Variants in FBN1 observed in about 807,000 individuals in gnomAD.
FBN1 encodes fibrillin 1, also known as fibrillin-1.
A neutral mutation model predicts 365.1 loss-of-function variants in FBN1; 29 were observed. The observed-to-expected ratio is 0.08, with a 90% CI of 0.06 to 0.11. FBN1 has a LOEUF of 0.11. FBN1 is among the 10% of genes least tolerant of loss of function. FBN1 has a pLI of 1.00. For missense variants in FBN1, 2,476 were observed against 3,703.2 expected (o/e 0.67, Z 8.60); for synonymous variants, 1,210 against 1,270.5 (o/e 0.95, Z 1.01).
In FBN1 at chr15:48,421,654, A is replaced by G. The variant is rs1555394212; in HGVS notation, c.7603T>C (p.Cys2535Arg). 6.2e-7 allele frequency: 1 copy of G among 1,613,864 alleles called. No homozygotes were observed. Among genetic ancestry groups the G allele is most frequent in the Non-Finnish European group, 8.5e-7 (1 of 1,179,940 alleles). Residue 2535 changes from cysteine (C) to arginine (R), a missense_variant, in exon 62 of 66, where the codon TGC (cysteine) becomes CGC (arginine). This residue lies in a region of FBN1 where 1,780 missense variants were observed against 2,840.8 expected (regional missense o/e 0.63). Transcript: ENST00000316623. ...NNECTSDINL[C>R]GSKGICQNTP... ...TTCTGGCAAATGCCCTTAGACCCGC[A>G]CAGATTGATGTCAGAGGTGCATTCA...
At chr15:48,470,512 TA>T (rs1444539605) in intron 36 of FBN1, 121 bp downstream of exon 36, 1 of 1,344,434 alleles carries the variant, frequency 7.4e-7, no homozygotes, top group Non-Finnish European at 1.1e-6. Flanking sequence ...CTGTGATTCT[TA>T]ATACTTCCCC....
At chr15:48,474,439 C>G in intron 33 of FBN1, 62 bp from the exon 34 acceptor site, 3 of 1,611,560 alleles carry the variant, frequency 1.9e-6, no homozygotes, top group South Asian at 2.2e-5. Context: ...CAATAATACA[C>G]AAATTAAAAT....
intron 14 of FBN1, among the ~76,000 whole-genome samples, chr15:48,509,549 A>G (rs1483566581): frequency 6.7e-6 from 1 of 148,244 alleles, no homozygotes; most frequent in Non-Finnish European, 1.5e-5. Context: ...TTACATATTC[A>G]GAAATACATA....
chr15:48,467,775 G>GA (rs1566904453), intron 38 of FBN1, among the ~76,000 whole-genome samples, 163 bp downstream of exon 38: 27 of 151,626 alleles, frequency 1.8e-4, no homozygotes, highest in Non-Finnish European at 1.3e-4. Flanking sequence ...GAGCCAACCA[G>GA]GAATATTTTC....
At chr15:48,556,218 C>G (rs1035225818) in intron 6 of FBN1, among the ~76,000 whole-genome samples, 32 of 152,302 alleles carry the variant, frequency 2.1e-4, no homozygotes, top group African/African-American at 6.7e-4. Context: ...GTCTATACCA[C>G]TGGAATCCTG....
At chr15:48,623,843 A>G (rs868548599) in intron 2 of FBN1, among the ~76,000 whole-genome samples, 4 of 152,132 alleles carry the variant, frequency 2.6e-5, no homozygotes, top group Admixed American at 2.0e-4. Flanking sequence ...TTTTGTGTTG[A>G]TCAAAAGCAA....
At chr15:48,595,530 C>T (rs1176578200) in intron 6 of FBN1, among the ~76,000 whole-genome samples, 12 of 152,182 alleles carry the variant, frequency 7.9e-5, no homozygotes, top group Admixed American at 7.2e-4. Context: ...CATATCCACA[C>T]ATATCTCAAT....
intron 63 of FBN1, among the ~76,000 whole-genome samples, chr15:48,417,292 A>C (rs1489028155): frequency 2.0e-5 from 3 of 152,120 alleles, no homozygotes; most frequent in Non-Finnish European, 4.4e-5. Context: ...GTGGTGGGGA[A>C]GGATGCTCAC....
chr15:48,462,210 TC>T (rs1380926563), intron 42 of FBN1, among the ~76,000 whole-genome samples: 2 of 152,172 alleles, frequency 1.3e-5, no homozygotes, highest in African/African-American at 4.8e-5. Context: ...CCTAATCAAT[TC>T]CTTGCATGAT....
In FBN1 at chr15:48,610,728, T is replaced by C. The variant is rs748930708; in HGVS notation, c.346A>G (p.Ile116Val). Residue 116 changes from isoleucine to valine, a missense_variant and splice_region_variant, in exon 4 of 66, where the codon ATA (isoleucine) becomes GTA (valine). By Grantham distance (29) the Ile-to-Val change is conservative (BLOSUM62 3). Coordinates refer to ENST00000316623, the MANE Select transcript of FBN1 (RefSeq NM_000138.5). Reference sequence around the variant, plus strand: ...ATATATAATGACATGTTAGACTTACTGGATCTGGAGCCACAGGAAGGAGCT... The same window carrying C: ...ATATATAATGACATGTTAGACTTACCGGATCTGGAGCCACAGGAAGGAGCT... The part of the protein sequence containing the change: ...QIAPSCGSRS[I>V]QHCNIRCMNG... The C allele has an allele frequency of 3.1e-6, 5 of 1,610,214 alleles. No individual in the cohort carries two copies. The highest frequency in any genetic ancestry group is 4.2e-6 in the Non-Finnish European group (5 of 1,176,484).
intron 12 of FBN1, 70 bp downstream of exon 12, chr15:48,515,317 A>G: frequency 6.3e-7 from 1 of 1,578,776 alleles, no homozygotes. Flanking sequence ...CAGCAGCAAT[A>G]GAAAACCAGT....
At chr15:48,496,888 T>C (rs2043612601) in intron 19 of FBN1, among the ~76,000 whole-genome samples, 2 of 152,162 alleles carry the variant, frequency 1.3e-5, no homozygotes, top group South Asian at 4.1e-4. Context: ...TGATTAAGTC[T>C]AATAAATGGT....
intron 15 of FBN1, among the ~76,000 whole-genome samples, chr15:48,507,920 G>A (rs2043724511): frequency 6.6e-6 from 1 of 152,044 alleles, no homozygotes; most frequent in South Asian, 2.1e-4. Context: ...CTTTTCTTAG[G>A]ACCCCAATTC....
chr15:48,467,067 A>G (rs2043329478), intron 38 of FBN1, among the ~76,000 whole-genome samples: 1 of 152,200 alleles, frequency 6.6e-6, no homozygotes, highest in Non-Finnish European at 1.5e-5. Flanking sequence ...CCAAGGTTAC[A>G]TGGGTGACAA....
chr15:48,621,915 G>A (rs1841692934), intron 2 of FBN1, among the ~76,000 whole-genome samples: 1 of 151,506 alleles, frequency 6.6e-6, no homozygotes. Flanking sequence ...GGAGAATGGT[G>A]TGAACCTGGG....
At chr15:48,537,364 T>C (rs1399001622) in intron 7 of FBN1, among the ~76,000 whole-genome samples, 1 of 152,004 alleles carries the variant, frequency 6.6e-6, no homozygotes, top group Non-Finnish European at 1.5e-5. Context: ...ACCCCTGGAG[T>C]CAGAGGTACA....
intron 48 of FBN1, 120 bp from the exon 49 acceptor site, chr15:48,444,780 A>C (rs1347690319): frequency 1.8e-6 from 2 of 1,110,062 alleles, no homozygotes; most frequent in Non-Finnish European, 2.7e-6. Context: ...TAAAGTTCAT[A>C]AAATTCCACC....
Position 48,528,295 on chromosome 15 carries a change from A to C in FBN1, c.863-2040T>G, listed in dbSNP as rs72739823. Reference sequence around the variant, plus strand: ...AATTAACATTGGCAGAATGGGGGAAACATCTTTTCCATGCTGGCTGAGTGA... The same window carrying C: ...AATTAACATTGGCAGAATGGGGGAACCATCTTTTCCATGCTGGCTGAGTGA... On this transcript the variant is annotated intron_variant, in intron 8 of 65. Transcript: ENST00000316623. Among the ~76,000 whole-genome samples the C allele has an allele frequency of 1.5e-3, 231 of 152,340 alleles. 1 individual carries two copies. Among genetic ancestry groups the C allele is most frequent in the Non-Finnish European group, 2.5e-3 (168 of 68,038 alleles).
At chr15:48,444,025 T>A (rs1261767526) in intron 49 of FBN1, among the ~76,000 whole-genome samples, 1 of 152,084 alleles carries the variant, frequency 6.6e-6, no homozygotes, top group Non-Finnish European at 1.5e-5. Flanking sequence ...AGTAAGACCC[T>A]GTCTCCATTA....
Sources: allele counts gnomAD v4.1 joint callset (sites outside exome capture counted in the v4.1 genomes callset), GRCh38; gene constraint gnomAD v4.1.1; regional missense constraint gnomAD v4.1.1; transcripts MANE v1.5; gene names NCBI Gene and HGNC (gene_info 2026-07-23, HGNC 2026-07-21).